USP47: variants seen among roughly 807,000 people sequenced by gnomAD.
USP47 encodes ubiquitin carboxyl-terminal hydrolase 47.
Under a neutral mutation model 165.1 loss-of-function variants are expected in USP47, and 35 were observed. That is an observed-to-expected ratio of 0.21 (90% CI 0.16 to 0.28). The LOEUF is 0.28. Ranked by LOEUF, USP47 falls within the 10% of genes least tolerant of loss-of-function variation. USP47 has a pLI of 1.00. For synonymous variants in USP47, 531 were observed against 544.5 expected (o/e 0.98, Z 0.35); for missense variants, 1,277 against 1,607.4 (o/e 0.79, Z 3.52).
chr11:11,866,354 G>T (rs897818336), intron 1 of USP47, among the ~76,000 whole-genome samples: 1 of 152,156 alleles, frequency 6.6e-6, no homozygotes, highest in Non-Finnish European at 1.5e-5. Context: ...AAAGTGGTAG[G>T]TTTTTTAAGA....
chr11:11,842,216 C>A lies in USP47; in HGVS notation c.31C>A (p.Pro11Thr), dbSNP rs773163820. 5 of 1,553,490 alleles carry A rather than the reference C, an allele frequency of 3.2e-6. No individual in the cohort carries two copies. In the African/African-American group the frequency reaches 5.5e-5, roughly 17 times the overall value. The change falls in exon 1 of 28, where the codon CCG (proline) becomes ACG (threonine). Residue 11 changes from proline to threonine, a missense_variant. Physicochemically the swap from Pro to Thr is conservative, Grantham distance 38. Around this residue, in one of 4 missense-constraint regions of USP47, gnomAD observed 181 missense variants for 194.7 expected, o/e 0.93. Transcript: ENST00000527733. MVPGEENQLVPKEIENAAEEP... is the reference protein window; with the variant it reads MVPGEENQLVTKEIENAAEEP... ...GCCCGGCGAGGAGAACCAACTGGTC[C>A]CGAAAGAGGTGAGGGGCCCCAGAGG... is the stretch of plus-strand genomic sequence containing the variant.
chr11:11,847,309 A>T (rs536376860), intron 1 of USP47, among the ~76,000 whole-genome samples: 7 of 146,822 alleles, frequency 4.8e-5, no homozygotes, highest in Non-Finnish European at 9.0e-5. Flanking sequence ...CAGTTTTCCT[A>T]TTTCCCCTCT....
intron 11 of USP47, 77 bp downstream of exon 11, chr11:11,922,968 T>A: frequency 7.4e-7 from 1 of 1,351,974 alleles, no homozygotes; most frequent in Non-Finnish European, 1.0e-6. Context: ...ATAGCTGTTG[T>A]GACTGATAAA....
chr11:11,887,085 C>G (rs1851209625), intron 3 of USP47, among the ~76,000 whole-genome samples: 1 of 152,066 alleles, frequency 6.6e-6, no homozygotes, highest in Non-Finnish European at 1.5e-5. Context: ...GAAGAAAGCA[C>G]TAAATATGGG....
intron 3 of USP47, among the ~76,000 whole-genome samples, chr11:11,888,335 A>C (rs1851296583): frequency 6.6e-6 from 1 of 152,006 alleles, no homozygotes; most frequent in African/African-American, 2.4e-5. Flanking sequence ...CTAATAAGAA[A>C]AGAGAAGAAT....
At chr11:11,910,099 T>C (rs1852852251) in intron 8 of USP47, among the ~76,000 whole-genome samples, 1 of 152,142 alleles carries the variant, frequency 6.6e-6, no homozygotes, top group Non-Finnish European at 1.5e-5. Context: ...GTTTAAAAAG[T>C]GGGGACTTCT....
At chr11:11,888,036 C>G (rs1851275747) in intron 3 of USP47, among the ~76,000 whole-genome samples, 1 of 152,046 alleles carries the variant, frequency 6.6e-6, no homozygotes, top group African/African-American at 2.4e-5. Context: ...AGATAACATA[C>G]CAGAATTTCT....
chr11:11,943,052 T>G lies in USP47; in HGVS notation c.3031T>G (p.Tyr1011Asp), dbSNP rs1564891125. Residue 1011 changes from tyrosine to aspartate, a missense_variant, in exon 20 of 28, where the codon TAC becomes GAC. Physicochemically the swap from Tyr to Asp is radical, Grantham distance 160 (BLOSUM62 -3). Coordinates refer to ENST00000527733, the MANE Select transcript of USP47 (RefSeq NM_001282659.2). ...ESGKSRGEMQ[Y>D]MYFKAEPYAA... ...TGGCAAGAGTAGGGGAGAAATGCAGTACATGTATTTCAAAGCTGAACCTTA... is the reference window on the plus strand; with the variant it reads ...TGGCAAGAGTAGGGGAGAAATGCAGGACATGTATTTCAAAGCTGAACCTTA... 2 of 1,613,418 alleles carry G rather than the reference T, an allele frequency of 1.2e-6. No homozygotes were observed. Among genetic ancestry groups the G allele is most frequent in the Non-Finnish European group, 1.7e-6 (2 of 1,179,560 alleles).
At chr11:11,943,196 T>C (rs765294358) in intron 20 of USP47, 84 bp downstream of exon 20, 1 of 1,416,504 alleles carries the variant, frequency 7.1e-7, no homozygotes. Flanking sequence ...AAGTGTTAGG[T>C]ACTTAGTTCT....
At chr11:11,871,828 C>T (rs548703390) in intron 1 of USP47, among the ~76,000 whole-genome samples, 7 of 152,168 alleles carry the variant, frequency 4.6e-5, no homozygotes, top group Non-Finnish European at 1.0e-4. Flanking sequence ...CCCTGCACTG[C>T]AGCCTAGAAG....
intron 18 of USP47, among the ~76,000 whole-genome samples, chr11:11,940,059 A>G (rs1855356067): frequency 6.6e-6 from 1 of 152,050 alleles, no homozygotes; most frequent in Admixed American, 6.6e-5. Context: ...AGGCCTGTCA[A>G]AAGCCAAGAA....
At chr11:11,855,667 A>G (rs1010567240) in intron 1 of USP47, among the ~76,000 whole-genome samples, 4 of 152,228 alleles carry the variant, frequency 2.6e-5, no homozygotes, top group Admixed American at 2.6e-4. Context: ...GAAATTTTTT[A>G]GTACAACCAA....
intron 7 of USP47, among the ~76,000 whole-genome samples, chr11:11,904,480 A>G (rs1852421628): frequency 1.3e-5 from 2 of 152,184 alleles, no homozygotes; most frequent in East Asian, 1.9e-4. Flanking sequence ...TTAGTGATCT[A>G]GTTTCTCTCA....
intron 17 of USP47, 131 bp downstream of exon 17, chr11:11,936,641 G>C (rs1188860251): frequency 2.8e-6 from 2 of 706,584 alleles, no homozygotes; most frequent in African/African-American, 1.8e-5. Context: ...AATTTTGACA[G>C]GTTGAGAAGT....
At chr11:11,945,940 C>A (rs1458388393) in intron 20 of USP47, among the ~76,000 whole-genome samples, 65 of 128,356 alleles carry the variant, frequency 5.1e-4, no homozygotes, top group African/African-American at 1.3e-3. Flanking sequence ...GTCCCCCCCC[C>A]AAAAAAAAAA....
At chr11:11,898,645 A>G (rs1455935615) in intron 5 of USP47, among the ~76,000 whole-genome samples, 1 of 152,222 alleles carries the variant, frequency 6.6e-6, no homozygotes. Flanking sequence ...TCTTTCTACA[A>G]TAGCAATATG....
chr11:11,948,921 T>A (rs546370142), intron 22 of USP47: 435 of 194,876 alleles, frequency 2.2e-3, no homozygotes, highest in Non-Finnish European at 3.6e-3. Flanking sequence ...AAGAAATTTT[T>A]TTGTGCGTGT....
At position 11,940,417 on chromosome 11, in the gene USP47, C is replaced by A; in HGVS notation, c.2194-12C>A. 6.4e-7 allele frequency: 1 copy of A among 1,574,680 alleles called. No homozygotes were observed. The highest frequency in any genetic ancestry group is 8.6e-7 in the Non-Finnish European group (1 of 1,161,380). On this transcript the variant is annotated splice_polypyrimidine_tract_variant and intron_variant, in intron 18 of 27. Transcript: ENST00000527733. ...TGAAAGAGTACTTTTTATTAAATTGCTTTCATTATAGGCCATCCATTTACC... is the reference window on the plus strand; with the variant it reads ...TGAAAGAGTACTTTTTATTAAATTGATTTCATTATAGGCCATCCATTTACC...
intron 1 of USP47, among the ~76,000 whole-genome samples, chr11:11,853,219 T>G (rs1848825564): frequency 6.6e-6 from 1 of 152,154 alleles, no homozygotes; most frequent in Non-Finnish European, 1.5e-5. Context: ...AACAGAGCAT[T>G]AAATATATAT....
Sources: gnomAD v4.1 joint callset for allele counts (sites outside exome capture counted in the v4.1 genomes callset) on GRCh38, gnomAD v4.1.1 for gene constraint, gnomAD v4.1.1 regional missense constraint, MANE v1.5 for transcripts, NCBI Gene and HGNC (gene_info 2026-07-23, HGNC 2026-07-21) for gene names.